MCF2L2: variants seen among roughly 807,000 people sequenced by gnomAD.
MCF2L2 encodes MCF.2 cell line derived transforming sequence-like 2.
In MCF2L2, 102 loss-of-function variants were observed where a neutral mutation model predicts 150.2. That is an observed-to-expected ratio of 0.68 (90% CI 0.58 to 0.80). The LOEUF is 0.80. Ranked by LOEUF, MCF2L2 falls within the 30% of genes least tolerant of loss-of-function variation. The pLI is 0.00. For missense variants in MCF2L2, 1,256 were observed against 1,372.8 expected (o/e 0.91, Z 1.34); for synonymous variants, 465 against 491.3 (o/e 0.95, Z 0.71).
chr3:183,417,447 A>G (rs1224550786), intron 1 of MCF2L2, among the ~76,000 whole-genome samples: 1 of 151,982 alleles, frequency 6.6e-6, no homozygotes, highest in Non-Finnish European at 1.5e-5. Flanking sequence ...TTTGTTTAAC[A>G]TAATTGCTTT....
At position 183,392,301 on chromosome 3, in the gene MCF2L2, C is replaced by T. The variant is rs78280864; in HGVS notation, c.77-2522G>A. ...GTTACACAACAAATAACTGTAGAGC[C>T]CGGATCACCTGACGCTAAGAGGGCA... On this transcript the variant is annotated intron_variant, in intron 1 of 29. Transcript: ENST00000328913. Among the ~76,000 whole-genome samples the T allele has an allele frequency of 7.5e-3, 1,139 of 152,160 alleles. 16 individuals carry two copies. The highest frequency in any genetic ancestry group is 0.026 in the African/African-American group (1,087 of 41,492).
intron 1 of MCF2L2, among the ~76,000 whole-genome samples, chr3:183,415,637 C>T (rs865843087): frequency 1.1e-4 from 17 of 152,184 alleles, no homozygotes; most frequent in South Asian, 8.3e-4. Context: ...TCTCTAGTGA[C>T]TTTTTTTGTT....
chr3:183,274,193 C>T (rs548307619), intron 15 of MCF2L2, among the ~76,000 whole-genome samples: 2 of 150,414 alleles, frequency 1.3e-5, no homozygotes, highest in Non-Finnish European at 2.9e-5. Context: ...CCAACCTGGA[C>T]GACAGAGCGA....
chr3:183,192,081 C>G (rs558990572), intron 27 of MCF2L2, among the ~76,000 whole-genome samples: 4 of 150,934 alleles, frequency 2.7e-5, no homozygotes, highest in Admixed American at 2.0e-4. Flanking sequence ...GATCTCCTGA[C>G]CTCGTGATCC....
intron 15 of MCF2L2, among the ~76,000 whole-genome samples, chr3:183,248,214 G>A (rs887895695): frequency 8.6e-5 from 13 of 152,038 alleles, no homozygotes; most frequent in African/African-American, 3.1e-4. Flanking sequence ...TAAATCTGCA[G>A]AGCCAATTAG....
chr3:183,233,467 T>C (rs889037813), intron 15 of MCF2L2, among the ~76,000 whole-genome samples: 2 of 151,968 alleles, frequency 1.3e-5, no homozygotes, highest in African/African-American at 2.4e-5. Flanking sequence ...TACCATGCAA[T>C]TGTTAAAAAG....
At chr3:183,358,914 T>C (rs529984102) in intron 3 of MCF2L2, among the ~76,000 whole-genome samples, 2 of 152,108 alleles carry the variant, frequency 1.3e-5, no homozygotes, top group South Asian at 4.1e-4. Flanking sequence ...ATTACTACCA[T>C]GCCTGGCCCA....
chr3:183,254,604 C>G (rs1368083627), intron 15 of MCF2L2: 1 of 152,096 alleles, frequency 6.6e-6, no homozygotes, highest in Non-Finnish European at 1.5e-5. Flanking sequence ...GGGACAGGCC[C>G]GTGCGCGGGA....
At position 183,179,957 on chromosome 3, in the gene MCF2L2, T is replaced by G; in HGVS notation, c.3105+114A>C. 1 of 914,406 alleles carries G rather than the reference T, an allele frequency of 1.1e-6. No homozygotes were observed. Among genetic ancestry groups the G allele is most frequent in the Non-Finnish European group, 1.8e-6 (1 of 566,620 alleles). The allele number at this position is 914,406 out of a possible 1,614,324, so 56.6% of individuals were successfully genotyped here. ...GCTCCCTGGCTTAACCAGGTCCTTA[T>G]GGGTGAGAATCCTGAGGAGGGGGAG... On this transcript the variant is annotated intron_variant, in intron 28 of 29. Transcript: ENST00000328913. The surrounding 1 kb of genome is among the most constrained non-coding windows in gnomAD (Gnocchi z 4.2).
At chr3:183,222,192 G>A (rs1723172802) in intron 20 of MCF2L2, among the ~76,000 whole-genome samples, 1 of 152,118 alleles carries the variant, frequency 6.6e-6, no homozygotes, top group Non-Finnish European at 1.5e-5. Context: ...TTTTCTGAGG[G>A]GAGACTGTTG....
chr3:183,357,022 T>A (rs1219821374), intron 3 of MCF2L2, among the ~76,000 whole-genome samples: 2 of 152,094 alleles, frequency 1.3e-5, no homozygotes, highest in Non-Finnish European at 2.9e-5. Context: ...ACATGGCTGA[T>A]AACAAATCAG....
chr3:183,350,657 C>T (rs1240574977), intron 3 of MCF2L2, among the ~76,000 whole-genome samples: 4 of 152,170 alleles, frequency 2.6e-5, no homozygotes, highest in Admixed American at 2.6e-4. Context: ...GTAATCCCAG[C>T]ACTTTGGGAG....
rs1553880194 is a variant in MCF2L2 at position 183,192,136 on chromosome 3, T to TTTTAG, written c.3016+862_3016+863insCTAAA. ...AGTGCCGGGATTACAGGCATGAGTA[T>TTTTAG]TTTATTTATTTATTTATTTTTTCAG... On this transcript the variant is annotated intron_variant, in intron 27 of 29. Coordinates refer to ENST00000328913, the MANE Select transcript of MCF2L2 (RefSeq NM_015078.4). 3.4e-5 allele frequency among the ~76,000 whole-genome samples: 5 copies of TTTTAG among 147,012 alleles called. No individual in the cohort carries two copies. In the East Asian group the frequency reaches 1.0e-3, roughly 30 times the overall value.
In MCF2L2 at chr3:183,394,098, T is replaced by A. The variant is rs568025961; in HGVS notation, c.77-4319A>T. Among the ~76,000 whole-genome samples the A allele has an allele frequency of 1.2e-4, 18 of 152,320 alleles. No individual in the cohort carries two copies. The South Asian group carries it at 1.2e-3, about 11-fold the overall frequency. On this transcript the variant is annotated intron_variant, in intron 1 of 29. Coordinates refer to ENST00000328913, the MANE Select transcript of MCF2L2 (RefSeq NM_015078.4). ...GGAGCAGAGAACAGCTGCCCCAAGT[T>A]TGGCAGACCCTGTGACATTACTGCT...
chr3:183,338,795 C>A lies in MCF2L2; in HGVS notation c.486+5G>T. On this transcript the variant is annotated splice_donor_5th_base_variant and intron_variant, in intron 5 of 29. Coordinates refer to ENST00000328913, the MANE Select transcript of MCF2L2 (RefSeq NM_015078.4). ...AAATGAGACAAGATGAAAGGTCTTG[C>A]TTACCGGCACTTTCGTTTTAAACTC... 1 of 1,594,978 alleles carries A rather than the reference C, an allele frequency of 6.3e-7. No homozygotes were observed. The highest frequency in any genetic ancestry group is 1.1e-5 in the South Asian group (1 of 88,936).
chr3:183,179,693 C>G lies in MCF2L2; in HGVS notation c.3106-1G>C, dbSNP rs1355989355. 1 of 1,613,372 alleles carries G rather than the reference C, an allele frequency of 6.2e-7. No homozygotes were observed. The highest frequency in any genetic ancestry group is 1.1e-5 in the South Asian group (1 of 91,030). On this transcript the variant is annotated splice_acceptor_variant, in intron 28 of 29. Coordinates refer to ENST00000328913, the MANE Select transcript of MCF2L2 (RefSeq NM_015078.4). LOFTEE classifies it high-confidence loss of function. The surrounding 1 kb of genome is among the most constrained non-coding windows in gnomAD (Gnocchi z 4.2). Reference sequence around the variant, plus strand: ...CGTCCGACTGGAAAAGGCCCGCGAGCTGGAAGGGAGGGGACGGGTGCACCC... The same window carrying G: ...CGTCCGACTGGAAAAGGCCCGCGAGGTGGAAGGGAGGGGACGGGTGCACCC...
chr3:183,345,487 C>T (rs1346078817), intron 3 of MCF2L2, among the ~76,000 whole-genome samples: 1 of 152,040 alleles, frequency 6.6e-6, no homozygotes, highest in Non-Finnish European at 1.5e-5. Context: ...AAAATCAACA[C>T]CCTAACATCA....
At chr3:183,221,779 GTGGTGT>G (rs1431282647) in intron 20 of MCF2L2, among the ~76,000 whole-genome samples, 1 of 152,194 alleles carries the variant, frequency 6.6e-6, no homozygotes, top group Non-Finnish European at 1.5e-5. Flanking sequence ...CATTTCTATG[GTGGTGT>G]GACAGTCTCA....
chr3:183,366,892 G>A (rs1712553116), intron 3 of MCF2L2, among the ~76,000 whole-genome samples: 1 of 152,060 alleles, frequency 6.6e-6, no homozygotes, highest in Non-Finnish European at 1.5e-5. Context: ...TAAAGAATCT[G>A]CAAGATAGTA....
Sources: gnomAD v4.1 joint callset for allele counts (sites outside exome capture counted in the v4.1 genomes callset) on GRCh38, gnomAD v4.1.1 for gene constraint, Gnocchi (gnomAD v3.1) non-coding constraint, MANE v1.5 for transcripts, NCBI Gene and HGNC (gene_info 2026-07-23, HGNC 2026-07-21) for gene names.